PPP2R2B: variants seen among roughly 807,000 people sequenced by gnomAD.
The protein encoded by PPP2R2B is protein phosphatase 2 regulatory subunit Bbeta.
In PPP2R2B, 5 loss-of-function variants were observed where a neutral mutation model predicts 46.0. That is an observed-to-expected ratio of 0.11 (90% CI 0.06 to 0.23). PPP2R2B has a LOEUF of 0.23. Among genes scored for constraint, PPP2R2B ranks in the 10% least tolerant of loss-of-function variants. The pLI, the probability that PPP2R2B is intolerant of heterozygous loss-of-function variation, is 1.00. For synonymous variants in PPP2R2B, 215 were observed against 206.7 expected, an observed-to-expected ratio of 1.04 and a Z score of -0.34; for missense variants, 367 against 575.0, an observed-to-expected ratio of 0.64 and a Z score of 3.70.
At position 146,584,303 on chromosome 5, in the gene PPP2R2B, A is replaced by C. The variant is rs796785875; in HGVS notation, c.*5644T>G. 3.3e-5 allele frequency: 5 copies of C among 152,168 alleles called. No homozygotes were observed. The highest frequency in any genetic ancestry group is 1.2e-4 in the African/African-American group (5 of 41,416). 9.4% of individuals were successfully genotyped at this position (152,168 alleles called of 1,614,324 possible). Reference sequence around the variant, plus strand: ...AATTGGGGGACAGTTAATCAGTCATAATAAGGTCAAAGTCAGAAGTTGGAG... The same window carrying C: ...AATTGGGGGACAGTTAATCAGTCATCATAAGGTCAAAGTCAGAAGTTGGAG... On this transcript the variant is annotated 3_prime_UTR_variant, in exon 10 of 10. Transcript: ENST00000394411.
chr5:146,783,500 T>A (rs1165688245), intron 2 of PPP2R2B, among the ~76,000 whole-genome samples: 5 of 152,244 alleles, frequency 3.3e-5, no homozygotes, highest in Non-Finnish European at 7.3e-5. Flanking sequence ...ATAAGCAATT[T>A]AAAATTTTTC....
At chr5:146,731,100 C>G (rs2151205918) in intron 2 of PPP2R2B, among the ~76,000 whole-genome samples, 1 of 152,294 alleles carries the variant, frequency 6.6e-6, no homozygotes, top group East Asian at 1.9e-4. Context: ...TTTTCCAATC[C>G]ATGCTCTATC....
At chr5:146,867,996 C>A (rs1484496157) in intron 2 of PPP2R2B, among the ~76,000 whole-genome samples, 1 of 152,158 alleles carries the variant, frequency 6.6e-6, no homozygotes, top group East Asian at 1.9e-4. Flanking sequence ...GAGAGAAATT[C>A]TATTGTGCCT....
intron 1 of PPP2R2B, among the ~76,000 whole-genome samples, chr5:146,985,174 C>A (rs1753367843): frequency 6.6e-6 from 1 of 151,854 alleles, no homozygotes; most frequent in African/African-American, 2.4e-5. Flanking sequence ...GCATGTGCCA[C>A]CATGCCTGGC....
chr5:146,847,649 C>G (rs1364644020), intron 2 of PPP2R2B, among the ~76,000 whole-genome samples: 1 of 152,214 alleles, frequency 6.6e-6, no homozygotes, highest in Non-Finnish European at 1.5e-5. Flanking sequence ...CTCCACAATT[C>G]TGCCACTGAA....
At chr5:146,724,507 T>G (rs1405115960) in intron 2 of PPP2R2B, among the ~76,000 whole-genome samples, 1 of 152,180 alleles carries the variant, frequency 6.6e-6, no homozygotes, top group Non-Finnish European at 1.5e-5. Context: ...GCTATTCTTA[T>G]CAGAGCTATT....
rs1466374805 is a variant in PPP2R2B, at chr5:147,062,974, G to A, written c.50+18085C>T. ...AATGTAAAAGGGAGGGAGGGAGGGA[G>A]GGAGGGAGGGAGGGAGGGAGGGAGG... On this transcript the variant is annotated intron_variant, in intron 2 of 10. Transcript: ENST00000394413. Among the ~76,000 whole-genome samples the A allele has an allele frequency of 1.3e-4, 14 of 104,608 alleles. No individual in the cohort carries two copies. In the South Asian group the frequency reaches 6.2e-3, roughly 46 times the overall value. The allele number at this position is 104,608 out of a possible 152,430, so 68.6% of individuals were successfully genotyped here.
intron 1 of PPP2R2B, among the ~76,000 whole-genome samples, chr5:146,969,356 T>C (rs184428982): frequency 1.3e-5 from 2 of 152,318 alleles, no homozygotes; most frequent in Admixed American, 1.3e-4. Flanking sequence ...TATTTCATTA[T>C]GGCTGGAATA....
chr5:146,604,998 T>C (rs1772131349), intron 7 of PPP2R2B, among the ~76,000 whole-genome samples: 1 of 152,164 alleles, frequency 6.6e-6, no homozygotes. Flanking sequence ...GGAAAGAACA[T>C]CAGACTCAGG....
At chr5:147,067,780 A>G (rs1757457983) in intron 2 of PPP2R2B, among the ~76,000 whole-genome samples, 1 of 152,156 alleles carries the variant, frequency 6.6e-6, no homozygotes, top group African/African-American at 2.4e-5. Context: ...TCGCACAGTT[A>G]CCTATTTGTT....
chr5:146,709,330 T>C (rs1780084999), intron 2 of PPP2R2B, among the ~76,000 whole-genome samples: 1 of 152,198 alleles, frequency 6.6e-6, no homozygotes, highest in Non-Finnish European at 1.5e-5. Flanking sequence ...ATCAAGCCCA[T>C]TAATGGCATG....
In PPP2R2B at chr5:147,072,728, G is replaced by A. The variant is rs116240059; in HGVS notation, c.50+8331C>T. On this transcript the variant is annotated intron_variant, in intron 2 of 10. Coordinates refer to the PPP2R2B transcript ENST00000394413. ...ATTATTATTACTCTACCCTGACCAG[G>A]TATTGTGCAGCACTTTCAAAGATCT... Among the ~76,000 whole-genome samples the A allele has an allele frequency of 6.0e-3, 917 of 152,210 alleles. 9 individuals carry two copies. Among genetic ancestry groups the A allele is most frequent in the African/African-American group, 0.02 (843 of 41,526 alleles).
chr5:146,988,059 C>T (rs756012981), intron 1 of PPP2R2B, among the ~76,000 whole-genome samples: 14 of 151,800 alleles, frequency 9.2e-5, no homozygotes, highest in South Asian at 2.1e-4. Context: ...TCAATACAGC[C>T]GGAGGATATA....
intron 8 of PPP2R2B, among the ~76,000 whole-genome samples, chr5:146,596,871 C>A (rs1363356905): frequency 2.0e-5 from 3 of 152,174 alleles, no homozygotes; most frequent in Middle Eastern, 3.2e-3. Flanking sequence ...GGCTCCCAAA[C>A]CTTTCTCCAG....
rs190083194 is a variant in PPP2R2B at position 146,700,664 on chromosome 5, T to C, written c.168+381A>G. Among the ~76,000 whole-genome samples the C allele has an allele frequency of 2.0e-5, 3 of 152,244 alleles. No individual in the cohort carries two copies. The East Asian group carries it at 5.8e-4, about 29-fold the overall frequency. On this transcript the variant is annotated intron_variant, in intron 3 of 9. Transcript: ENST00000394411. ...CACATCTGTTGGCAAATAAACTATG[T>C]TTTTTTCCTCCTGCATATTCTGGCA...
Position 146,592,127 on chromosome 5 carries a change from C to T in PPP2R2B, c.1052+844G>A, listed in dbSNP as rs1393561698. On this transcript the variant is annotated intron_variant, in intron 9 of 9. Transcript: ENST00000394411. ...TTGTTCTTATGTCACAGTTGCTTTG[C>T]TCTCTGTCCTATACCAACTGGTCAG... 2.9e-5 allele frequency: 13 copies of T among 446,392 alleles called. No homozygotes were observed. The Admixed American group carries it at 3.2e-4, about 11-fold the overall frequency. 27.7% of individuals were successfully genotyped at this position (446,392 alleles called of 1,614,324 possible). A position where few individuals can be genotyped will look rare whatever the true frequency, so the allele number is the denominator to read the frequency against.
chr5:146,824,361 T>C (rs1188304126), intron 2 of PPP2R2B, among the ~76,000 whole-genome samples: 1 of 152,226 alleles, frequency 6.6e-6, no homozygotes, highest in Admixed American at 6.5e-5. Context: ...TGACCATCTC[T>C]AGTTTTCAGG....
chr5:146,955,728 C>G (rs542269198), intron 1 of PPP2R2B, among the ~76,000 whole-genome samples: 1 of 149,614 alleles, frequency 6.7e-6, no homozygotes, highest in African/African-American at 2.5e-5. Context: ...GTCCCTCTGT[C>G]TGGTCACTTG....
chr5:147,069,935 C>G, intron 2 of PPP2R2B, among the ~76,000 whole-genome samples: 1 of 151,630 alleles, frequency 6.6e-6, no homozygotes, highest in Middle Eastern at 3.4e-3. Context: ...GGATTACAGA[C>G]GCCTGCCACC....
Sources: allele counts gnomAD v4.1 joint callset (sites outside exome capture counted in the v4.1 genomes callset), GRCh38; gene constraint gnomAD v4.1.1; transcripts MANE v1.5; gene names NCBI Gene and HGNC (gene_info 2026-07-23, HGNC 2026-07-21).